Variants in CHST1 observed in about 807,000 individuals in gnomAD.
CHST1 encodes the protein Keratan sulfotransferase.
A neutral mutation model predicts 22.5 loss-of-function variants in CHST1; 10 were observed. That is an observed-to-expected ratio of 0.44 (90% CI 0.27 to 0.75). The LOEUF is 0.75. CHST1 is among the 30% of genes least tolerant of loss of function. The probability of loss-of-function intolerance (pLI) is 0.15; values close to 1 mark genes in which losing one functional copy is unlikely to be tolerated. For synonymous variants in CHST1, 267 were observed against 264.5 expected, an observed-to-expected ratio of 1.01 and a Z score of -0.09; for missense variants, 439 against 576.1, an observed-to-expected ratio of 0.76 and a Z score of 2.44.
In CHST1 at chr11:45,648,128, C is replaced by A. The variant is rs1851941000; in HGVS notation, c.*1560G>T. The stretch of plus-strand genomic sequence containing the variant: ...CAGTGTAGACACCAGTAAACCTGTA[C>A]CAGTTATTCAAATAGTCAAATACTT... On this transcript the variant is annotated 3_prime_UTR_variant, in exon 4 of 4. Transcript: ENST00000308064. Among the ~76,000 whole-genome samples, 1 of 152,100 alleles carries A rather than the reference C, an allele frequency of 6.6e-6. No individual in the cohort carries two copies. The highest frequency in any genetic ancestry group is 1.5e-5 in the Non-Finnish European group (1 of 68,010).
chr11:45,649,988 C>T lies in CHST1; in HGVS notation c.936G>A (p.Lys312=), dbSNP rs149164647. ...YEDLARNPMK[K]TEEIYGFLGI... is the part of the protein sequence containing the mutation. ...CCAGGAACCCGTAGATCTCCTCGGTCTTCTTCATAGGGTTCCGAGCCAGGT... is the reference window on the plus strand; with the variant it reads ...CCAGGAACCCGTAGATCTCCTCGGTTTTCTTCATAGGGTTCCGAGCCAGGT... Residue 312 remains lysine, a synonymous_variant, in exon 4 of 4, where the codon AAG becomes AAA. Transcript: ENST00000308064. 2 of 1,613,918 alleles carry T rather than the reference C, an allele frequency of 1.2e-6. No homozygotes were observed. Among genetic ancestry groups the T allele is most frequent in the Non-Finnish European group, 1.7e-6 (2 of 1,180,000 alleles).
intron 1 of CHST1, among the ~76,000 whole-genome samples, chr11:45,660,861 C>T (rs1852123247): frequency 6.6e-6 from 1 of 152,232 alleles, no homozygotes; most frequent in African/African-American, 2.4e-5. Flanking sequence ...AAAGAAGCCA[C>T]GCCTTCTTCC....
chr11:45,658,028 G>A (rs1852084146), intron 1 of CHST1, among the ~76,000 whole-genome samples: 1 of 152,148 alleles, frequency 6.6e-6, no homozygotes, highest in South Asian at 2.1e-4. Context: ...TGTCTCCAGG[G>A]CAGAGCACTC....
chr11:45,650,161 G>T lies in CHST1; in HGVS notation c.763C>A (p.Arg255=), dbSNP rs774865102. 2.5e-6 allele frequency: 4 copies of T among 1,613,446 alleles called. No individual in the cohort carries two copies. The highest frequency in any genetic ancestry group is 1.1e-5 in the South Asian group (1 of 91,076). The change falls in exon 4 of 4, where the codon CGG becomes AGG. Residue 255 remains arginine, a synonymous_variant. Coordinates refer to ENST00000308064, the MANE Select transcript of CHST1 (RefSeq NM_003654.6). ...TTCCTCCCGGTGCCGTACCAGAGCCGCCAGAGCCGGTACGTGTCGCGGAAG... is the reference window on the plus strand; with the variant it reads ...TTCCTCCCGGTGCCGTACCAGAGCCTCCAGAGCCGGTACGTGTCGCGGAAG... ...ETFRDTYRLW[R]LWYGTGRKPY...
Position 45,650,964 on chromosome 11 carries a change from G to A in CHST1, c.-41C>T. 6.6e-7 allele frequency: 1 copy of A among 1,512,334 alleles called. No homozygotes were observed. The highest frequency in any genetic ancestry group is 8.8e-7 in the Non-Finnish European group (1 of 1,131,934). The allele number at this position is 1,512,334 out of a possible 1,614,324, so 93.7% of individuals were successfully genotyped here. A position where few individuals can be genotyped will look rare whatever the true frequency, so the allele number is the denominator to read the frequency against. On this transcript the variant is annotated splice_region_variant and 5_prime_UTR_variant, in exon 4 of 4. Transcript: ENST00000308064. ...TGGGGCTGCTTCTCCAAGGGGTGAGGTCTGTGGGCAAAGGCGGCCAGCGGT... is the reference window on the plus strand; with the variant it reads ...TGGGGCTGCTTCTCCAAGGGGTGAGATCTGTGGGCAAAGGCGGCCAGCGGT...
chr11:45,651,057 A>G, intron 3 of CHST1, 92 bp from the exon 4 acceptor site: 1 of 926,614 alleles, frequency 1.1e-6, no homozygotes. Flanking sequence ...GGCCCAGGGA[A>G]AGGCCCGGCT....
Position 45,649,742 on chromosome 11 carries a change from C to T in CHST1, c.1182G>A (p.Leu394=). ...CCACCAGGCTGACCGAGGGGTTCTT[C>T]AGCTCCTCCTCCGAGGCGGCGATCT... ...GYKIAASEEE[L]KNPSVSLVEE... The change falls in exon 4 of 4, where the codon CTG becomes CTA. Residue 394 remains leucine, a synonymous_variant. Coordinates refer to ENST00000308064, the MANE Select transcript of CHST1 (RefSeq NM_003654.6). 6.2e-7 allele frequency: 1 copy of T among 1,607,968 alleles called. No homozygotes were observed. The highest frequency in any genetic ancestry group is 8.5e-7 in the Non-Finnish European group (1 of 1,178,346).
chr11:45,658,149 GA>G (rs1852085209), intron 1 of CHST1, among the ~76,000 whole-genome samples: 1 of 152,230 alleles, frequency 6.6e-6, no homozygotes, highest in African/African-American at 2.4e-5. Context: ...TGGGGCCACA[GA>G]GGCCTGGATT....
At chr11:45,659,922 G>C (rs1468654252) in intron 1 of CHST1, among the ~76,000 whole-genome samples, 1 of 152,182 alleles carries the variant, frequency 6.6e-6, no homozygotes, top group African/African-American at 2.4e-5. Context: ...GCCCACAGCT[G>C]GTCCCAAGGA....
At chr11:45,660,810 A>G (rs1041217181) in intron 1 of CHST1, among the ~76,000 whole-genome samples, 4 of 152,208 alleles carry the variant, frequency 2.6e-5, no homozygotes, top group Non-Finnish European at 5.9e-5. Flanking sequence ...GGACTCAGTG[A>G]GTCCTAAACA....
intron 1 of CHST1, among the ~76,000 whole-genome samples, chr11:45,662,930 T>C (rs1387879347): frequency 6.6e-6 from 1 of 151,804 alleles, no homozygotes; most frequent in Non-Finnish European, 1.5e-5. Flanking sequence ...CCGAAGGGAG[T>C]TGGTCCAAGT....
chr11:45,653,747 T>A (rs1852027769), intron 1 of CHST1, among the ~76,000 whole-genome samples: 1 of 152,238 alleles, frequency 6.6e-6, no homozygotes, highest in African/African-American at 2.4e-5. Flanking sequence ...TGCCAGGCAC[T>A]GTTCTAGATG....
In CHST1 at chr11:45,649,873, G is replaced by C; in HGVS notation, c.1051C>G (p.Arg351Gly). 3 of 1,610,982 alleles carry C rather than the reference G, an allele frequency of 1.9e-6. No individual in the cohort carries two copies. The highest frequency in any genetic ancestry group is 1.1e-5 in the South Asian group (1 of 91,070). ...TLGKHKYGTV[R>G]NSAATAEKWR... ...TTCTCGGCCGTGGCCGCCGAGTTTC[G>C]CACGGTGCCGTATTTGTGCTTGCCC... Residue 351 changes from arginine to glycine, a missense_variant, in exon 4 of 4, where the codon CGA becomes GGA. Transcript: ENST00000308064.
intron 1 of CHST1, among the ~76,000 whole-genome samples, chr11:45,654,350 G>A (rs1852034615): frequency 6.6e-6 from 1 of 152,250 alleles, no homozygotes; most frequent in South Asian, 2.1e-4. Context: ...ACACCGAGGA[G>A]GGGCATGTGT....
intron 1 of CHST1, among the ~76,000 whole-genome samples, chr11:45,655,235 G>A (rs1190283960): frequency 1.3e-5 from 2 of 152,212 alleles, no homozygotes; most frequent in African/African-American, 2.4e-5. Flanking sequence ...CTGGTGCAGC[G>A]TAAGCACTCA....
chr11:45,658,493 C>G (rs1852089568), intron 1 of CHST1, among the ~76,000 whole-genome samples: 3 of 152,212 alleles, frequency 2.0e-5, no homozygotes, highest in African/African-American at 4.8e-5. Flanking sequence ...GAGACCCTGA[C>G]TGTTGTGGCT....
intron 1 of CHST1, among the ~76,000 whole-genome samples, chr11:45,658,465 C>G (rs1163535769): frequency 1.3e-5 from 2 of 152,212 alleles, no homozygotes; most frequent in Admixed American, 6.5e-5. Flanking sequence ...ACTGAAGCGC[C>G]AGCAGCCTGC....
At chr11:45,656,848 G>T (rs1852068920) in intron 1 of CHST1, among the ~76,000 whole-genome samples, 1 of 152,056 alleles carries the variant, frequency 6.6e-6, no homozygotes, top group Non-Finnish European at 1.5e-5. Context: ...ACAGTAGGCA[G>T]CTGGGGACTG....
rs1851934678 is a variant in CHST1, at chr11:45,647,777, G to A, written c.*1911C>T. Among the ~76,000 whole-genome samples the A allele has an allele frequency of 1.3e-5, 2 of 152,202 alleles. No individual in the cohort carries two copies. Among genetic ancestry groups the A allele is most frequent in the South Asian group, 4.1e-4 (2 of 4,836 alleles). On this transcript the variant is annotated 3_prime_UTR_variant, in exon 4 of 4. Transcript: ENST00000308064. ...TTTTACATTCTGTTATTTTACCCCA[G>A]TAAAATTTTTTACAAAAGAAAATCA...
Sources: allele counts gnomAD v4.1 joint callset (sites outside exome capture counted in the v4.1 genomes callset), GRCh38; gene constraint gnomAD v4.1.1; transcripts MANE v1.5; gene names NCBI Gene and HGNC (gene_info 2026-07-23, HGNC 2026-07-21).